The following GAS2 variants were observed in gnomAD, a reference collection of about 807,000 sequenced individuals.
GAS2 encodes growth arrest specific 2.
A neutral mutation model predicts 37.5 loss-of-function variants in GAS2; 20 were observed. That is an observed-to-expected ratio of 0.53 (90% confidence interval 0.37 to 0.77). The LOEUF (loss-of-function observed/expected upper bound fraction) is 0.77. GAS2 is among the 30% of genes least tolerant of loss of function. GAS2 has a pLI of 0.00. For synonymous variants in GAS2, 144 were observed against 132.2 expected (o/e 1.09, Z -0.61); for missense variants, 336 against 373.4 (o/e 0.90, Z 0.82).
chr11:22,685,856 T>G, intron 3 of GAS2, 67 bp downstream of exon 3: 1 of 1,494,912 alleles, frequency 6.7e-7, no homozygotes, highest in Non-Finnish European at 9.0e-7. Context: ...TTATAAATTG[T>G]GTGTAATTAA....
chr11:22,636,919 ATATT>A (rs1858829997), intron 1 of GAS2, among the ~76,000 whole-genome samples: 1 of 136,486 alleles, frequency 7.3e-6, no homozygotes, highest in African/African-American at 2.6e-5. Flanking sequence ...ATAATATAAA[ATATT>A]TATATTAATA....
At chr11:22,628,769 T>G (rs956111861) in intron 1 of GAS2, among the ~76,000 whole-genome samples, 2 of 152,160 alleles carry the variant, frequency 1.3e-5, no homozygotes, top group African/African-American at 4.8e-5. Flanking sequence ...TGTAGATTTT[T>G]ATCCCTCACC....
chr11:22,789,936 A>C (rs1160371055), intron 7 of GAS2, among the ~76,000 whole-genome samples: 1 of 152,194 alleles, frequency 6.6e-6, no homozygotes, highest in African/African-American at 2.4e-5. Flanking sequence ...TTATTTTTCT[A>C]ACATGGTATG....
Position 22,637,055 on chromosome 11 carries a change from ATAT to A in GAS2, c.-21+11249_-21+11251del, listed in dbSNP as rs1398500341. ...CTGGTTATCTATTATAATTGATATA[ATAT>A]TATTATATTAATATTATATTAATAT... On this transcript the variant is annotated intron_variant, in intron 1 of 5. Coordinates refer to the GAS2 transcript ENST00000528582. Among the ~76,000 whole-genome samples, 112 of 133,272 alleles carry A rather than the reference ATAT, an allele frequency of 8.4e-4. 1 individual carries two copies. Among genetic ancestry groups the A allele is most frequent in the African/African-American group, 2.4e-3 (86 of 35,706 alleles). 87.4% of individuals were successfully genotyped at this position (133,272 alleles called of 152,430 possible). A position where few individuals can be genotyped will look rare whatever the true frequency, so the allele number is the denominator to read the frequency against.
At chr11:22,632,601 C>G (rs1858758426) in intron 1 of GAS2, among the ~76,000 whole-genome samples, 2 of 152,106 alleles carry the variant, frequency 1.3e-5, no homozygotes, top group Admixed American at 6.5e-5. Context: ...AAATTGCTGG[C>G]AAAGCCAGGG....
intron 7 of GAS2, among the ~76,000 whole-genome samples, chr11:22,770,602 C>T (rs1420085432): frequency 1.3e-5 from 2 of 152,144 alleles, no homozygotes; most frequent in Non-Finnish European, 2.9e-5. Context: ...AAAATATTTC[C>T]TTACAGGTAT....
rs991858203 is a variant in GAS2, at chr11:22,800,318, C to T, written c.724-11480C>T. 6.6e-5 allele frequency among the ~76,000 whole-genome samples: 10 copies of T among 152,050 alleles called. No homozygotes were observed. The South Asian group carries it at 2.1e-3, about 32-fold the overall frequency. On this transcript the variant is annotated intron_variant, in intron 7 of 7. Transcript: ENST00000454584. Reference sequence around the variant, plus strand: ...CCACCATGGGGATGCTGATGTCCTCCCCTTACCCCTACTACTTTCCCAGGA... The same window carrying T: ...CCACCATGGGGATGCTGATGTCCTCTCCTTACCCCTACTACTTTCCCAGGA...
intron 1 of GAS2, among the ~76,000 whole-genome samples, chr11:22,659,084 C>T (rs1007240596): frequency 6.6e-6 from 1 of 152,158 alleles, no homozygotes; most frequent in Non-Finnish European, 1.5e-5. Flanking sequence ...CTTAGTTTTA[C>T]ATGTGTCAAT....
chr11:22,790,081 T>C (rs1316169294), intron 7 of GAS2, among the ~76,000 whole-genome samples: 1 of 152,170 alleles, frequency 6.6e-6, no homozygotes, highest in Non-Finnish European at 1.5e-5. Flanking sequence ...CTACTCTACC[T>C]ACCTAACACA....
intron 2 of GAS2, among the ~76,000 whole-genome samples, chr11:22,684,528 G>T (rs1172575103): frequency 2.0e-5 from 3 of 152,110 alleles, no homozygotes; most frequent in Admixed American, 6.5e-5. Flanking sequence ...GCAGGAAAAT[G>T]GAATCTTCTG....
At chr11:22,734,276 C>A (rs150459617) in intron 4 of GAS2, among the ~76,000 whole-genome samples, 1 of 151,832 alleles carries the variant, frequency 6.6e-6, no homozygotes, top group East Asian at 1.9e-4. Flanking sequence ...GCAATTGTTA[C>A]TTGAACTTTG....
At chr11:22,715,982 CA>C (rs1159365479) in intron 3 of GAS2, among the ~76,000 whole-genome samples, 1 of 152,050 alleles carries the variant, frequency 6.6e-6, no homozygotes, top group Non-Finnish European at 1.5e-5. Flanking sequence ...ACAGCATATC[CA>C]AAACATAATC....
intron 3 of GAS2, among the ~76,000 whole-genome samples, chr11:22,697,743 T>C (rs1850607302): frequency 6.6e-6 from 1 of 152,172 alleles, no homozygotes; most frequent in Non-Finnish European, 1.5e-5. Flanking sequence ...TGGCTCTCTG[T>C]TTGTCTGTTG....
At chr11:22,661,307 A>C (rs1357083096) in intron 1 of GAS2, among the ~76,000 whole-genome samples, 1 of 152,112 alleles carries the variant, frequency 6.6e-6, no homozygotes, top group Non-Finnish European at 1.5e-5. Context: ...CCTCCCTTGG[A>C]TATGCAGTGG....
chr11:22,697,627 T>C lies in GAS2; in HGVS notation c.267+11838T>C, dbSNP rs185658242. Among the ~76,000 whole-genome samples the C allele has an allele frequency of 1.5e-3, 226 of 152,242 alleles. 2 individuals carry two copies. Among genetic ancestry groups the C allele is most frequent in the African/African-American group, 4.8e-3 (201 of 41,558 alleles). ...TATCCTCTTTTATTTCATTGAGCAG[T>C]GGTTTGTAGTTCTCCTTGAAGAGGT... is the stretch of plus-strand genomic sequence containing the variant. On this transcript the variant is annotated intron_variant, in intron 3 of 7. Transcript: ENST00000454584.
At chr11:22,699,363 A>G (rs557734158) in intron 3 of GAS2, among the ~76,000 whole-genome samples, 2 of 152,272 alleles carry the variant, frequency 1.3e-5, no homozygotes, top group East Asian at 3.9e-4. Context: ...CTTGTGGGGA[A>G]TCAGGTGACA....
Position 22,793,094 on chromosome 11 carries a change from T to C in GAS2, c.724-18704T>C, listed in dbSNP as rs533238955. Among the ~76,000 whole-genome samples, 5 of 152,074 alleles carry C rather than the reference T, an allele frequency of 3.3e-5. No homozygotes were observed. The East Asian group carries it at 7.8e-4, about 24-fold the overall frequency. On this transcript the variant is annotated intron_variant, in intron 7 of 7. Coordinates refer to ENST00000454584, the MANE Select transcript of GAS2 (RefSeq NM_001143830.3). The stretch of plus-strand genomic sequence containing the variant: ...TTCAACACCAGCCTGACCAACATGG[T>C]GAAACCCCATCTCTACTAAAAATAT...
intron 7 of GAS2, among the ~76,000 whole-genome samples, chr11:22,805,224 C>T (rs775171110): frequency 9.2e-5 from 14 of 151,994 alleles, no homozygotes; most frequent in Non-Finnish European, 1.5e-4. Flanking sequence ...CTTCTATTTA[C>T]ATATGTATTT....
At chr11:22,657,229 T>C (rs1848865714) in intron 1 of GAS2, among the ~76,000 whole-genome samples, 1 of 152,166 alleles carries the variant, frequency 6.6e-6, no homozygotes. Flanking sequence ...CTTTGTTACC[T>C]CTCCAAGTGA....
Sources: gnomAD v4.1 joint callset for allele counts (sites outside exome capture counted in the v4.1 genomes callset) on GRCh38, gnomAD v4.1.1 for gene constraint, MANE v1.5 for transcripts, NCBI Gene and HGNC (gene_info 2026-07-23, HGNC 2026-07-21) for gene names.